Variants in UNC79 observed in about 807,000 individuals in gnomAD.
The protein encoded by UNC79 is protein unc-79 homolog.
A neutral mutation model predicts 283.1 loss-of-function variants in UNC79; 37 were observed. The ratio of observed to expected loss-of-function variants is 0.13; its 90% CI spans 0.10 to 0.17. UNC79 has a LOEUF of 0.17. UNC79 is among the 10% of genes least tolerant of loss of function. UNC79 has a pLI of 1.00. For missense variants in UNC79, 2,272 were observed against 3,211.1 expected (o/e 0.71, Z 7.07); for synonymous variants, 1,107 against 1,200.2 (o/e 0.92, Z 1.61).
chr14:93,644,551 G>A (rs997942387), intron 34 of UNC79, among the ~76,000 whole-genome samples: 22 of 152,250 alleles, frequency 1.4e-4, no homozygotes, highest in African/African-American at 5.3e-4. Flanking sequence ...AAGATAGGGT[G>A]TGATTAAATG....
At chr14:93,510,022 G>A (rs933376706) in intron 7 of UNC79, among the ~76,000 whole-genome samples, 21 of 152,284 alleles carry the variant, frequency 1.4e-4, no homozygotes, top group African/African-American at 5.1e-4. Flanking sequence ...CTCAACTCTT[G>A]CCCTCTGCAT....
At chr14:93,465,712 GT>G in intron 1 of UNC79, among the ~76,000 whole-genome samples, 1 of 152,174 alleles carries the variant, frequency 6.6e-6, no homozygotes, top group East Asian at 1.9e-4. Context: ...GGATTTGTGA[GT>G]TTTTTCCTCA....
chr14:93,633,899 G>A (rs1379267314), intron 31 of UNC79, among the ~76,000 whole-genome samples: 1 of 152,182 alleles, frequency 6.6e-6, no homozygotes, highest in Non-Finnish European at 1.5e-5. Flanking sequence ...TCAAACAGTA[G>A]GCAGAGGCTC....
chr14:93,354,690 C>G (rs1446042070), intron 1 of UNC79, among the ~76,000 whole-genome samples: 1 of 152,048 alleles, frequency 6.6e-6, no homozygotes, highest in African/African-American at 2.4e-5. Flanking sequence ...TTTGTAGGGA[C>G]GGGGTCTTGC....
chr14:93,482,115 T>A (rs2058176101), intron 4 of UNC79, among the ~76,000 whole-genome samples: 1 of 152,200 alleles, frequency 6.6e-6, no homozygotes, highest in Admixed American at 6.5e-5. Context: ...AAATGCATAG[T>A]CAAATCACAG....
chr14:93,547,757 G>A (rs1373664338), intron 14 of UNC79, among the ~76,000 whole-genome samples: 13 of 152,130 alleles, frequency 8.5e-5, no homozygotes, highest in Non-Finnish European at 4.4e-5. Context: ...TTGGGAGACC[G>A]AGGTTGGAGA....
chr14:93,538,382 A>G (rs934411151), intron 12 of UNC79, among the ~76,000 whole-genome samples, 164 bp downstream of exon 12: 1 of 152,252 alleles, frequency 6.6e-6, no homozygotes, highest in African/African-American at 2.4e-5. Context: ...CATGAATTCA[A>G]TGAATATTTT....
At chr14:93,530,554 G>T (rs537548907) in intron 10 of UNC79, among the ~76,000 whole-genome samples, 8 of 152,176 alleles carry the variant, frequency 5.3e-5, no homozygotes, top group Non-Finnish European at 1.2e-4. Context: ...TGAGGCTGCA[G>T]TGAGCCGTGA....
At chr14:93,608,526 C>T (rs1004661178) in intron 26 of UNC79, among the ~76,000 whole-genome samples, 1 of 152,150 alleles carries the variant, frequency 6.6e-6, no homozygotes, top group East Asian at 1.9e-4. Flanking sequence ...GCTTTCCAGC[C>T]CTGCTGTGGA....
At chr14:93,488,908 A>G (rs1245344184) in intron 5 of UNC79, among the ~76,000 whole-genome samples, 2 of 152,220 alleles carry the variant, frequency 1.3e-5, no homozygotes, top group African/African-American at 4.8e-5. Context: ...AACTCTGAAT[A>G]CCATCACTTT....
At chr14:93,383,156 G>C (rs2054699249) in intron 1 of UNC79, among the ~76,000 whole-genome samples, 1 of 152,134 alleles carries the variant, frequency 6.6e-6, no homozygotes, top group South Asian at 2.1e-4. Context: ...GGACCGTTTT[G>C]GGTCTTTCTC....
chr14:93,364,411 AG>A, intron 1 of UNC79, among the ~76,000 whole-genome samples: 1 of 151,952 alleles, frequency 6.6e-6, no homozygotes, highest in African/African-American at 2.4e-5. Context: ...TCCATATTGT[AG>A]TTTAGGTTTT....
chr14:93,690,756 AC>A lies in UNC79; in HGVS notation c.7272+454del. 1 of 161,604 alleles carries A rather than the reference AC, an allele frequency of 6.2e-6. No homozygotes were observed. The highest frequency in any genetic ancestry group is 6.1e-5 in the Admixed American group (1 of 16,518). 10.0% of individuals were successfully genotyped at this position (161,604 alleles called of 1,614,324 possible). On this transcript the variant is annotated intron_variant, in intron 45 of 48. Transcript: ENST00000555664. The surrounding 1 kb of genome is among the most constrained non-coding windows in gnomAD (Gnocchi z 4.3). Reference sequence around the variant, plus strand: ...ATGAAAACAAGAAGGCCAGTTGGGAACTCACTAAAGCACACATTGGCATGAC... The same window carrying A: ...ATGAAAACAAGAAGGCCAGTTGGGAATCACTAAAGCACACATTGGCATGAC...
intron 1 of UNC79, among the ~76,000 whole-genome samples, chr14:93,370,264 T>TA (rs1487939256): frequency 6.6e-6 from 1 of 152,138 alleles, no homozygotes; most frequent in African/African-American, 2.4e-5. Flanking sequence ...ACCAGGAATT[T>TA]AAAACGACTA....
At chr14:93,336,909 G>C (rs1229808921) in intron 1 of UNC79, among the ~76,000 whole-genome samples, 1 of 152,164 alleles carries the variant, frequency 6.6e-6, no homozygotes. Flanking sequence ...GAGGTGTTTG[G>C]ATCATGAAGG....
intron 1 of UNC79, among the ~76,000 whole-genome samples, chr14:93,421,320 G>C (rs1256665807): frequency 2.0e-5 from 3 of 151,460 alleles, no homozygotes; most frequent in Non-Finnish European, 3.0e-5. Context: ...CTACTATGAG[G>C]AACTATTAAT....
At position 93,572,829 on chromosome 14, in the gene UNC79, T is replaced by C. The variant is rs768142719; in HGVS notation, c.2070+13T>C. ...ACTGTGGCTTCATGTAAGTGAATAA[T>C]ACTTTCGATCATTTTAGGAAATAGT... is the stretch of plus-strand genomic sequence containing the variant. On this transcript the variant is annotated intron_variant, in intron 16 of 48. Coordinates refer to ENST00000555664, the Ensembl canonical transcript of UNC79. 15 of 1,612,258 alleles carry C rather than the reference T, an allele frequency of 9.3e-6. No individual in the cohort carries two copies. The highest frequency in any genetic ancestry group is 1.1e-5 in the Non-Finnish European group (13 of 1,179,458).
intron 11 of UNC79, among the ~76,000 whole-genome samples, chr14:93,532,801 T>C (rs921267506): frequency 3.9e-5 from 6 of 152,256 alleles, no homozygotes; most frequent in Admixed American, 2.0e-4. Context: ...ACAATGCTTT[T>C]GTTCAGTAAT....
chr14:93,491,801 T>C (rs2058739718), intron 5 of UNC79, among the ~76,000 whole-genome samples: 1 of 152,210 alleles, frequency 6.6e-6, no homozygotes, highest in South Asian at 2.1e-4. Context: ...TAGAGTTGCA[T>C]CTGTTATTTT....
Sources: allele counts gnomAD v4.1 joint callset (sites outside exome capture counted in the v4.1 genomes callset), GRCh38; gene constraint gnomAD v4.1.1; non-coding constraint Gnocchi (gnomAD v3.1); transcripts MANE v1.5; gene names NCBI Gene and HGNC (gene_info 2026-07-23, HGNC 2026-07-21).